PLXNA4: variants seen among roughly 807,000 people sequenced by gnomAD.
PLXNA4 encodes plexin-A4.
Under a neutral mutation model 191.8 loss-of-function variants are expected in PLXNA4, and 44 were observed. The ratio of observed to expected loss-of-function variants is 0.23; its 90% CI spans 0.18 to 0.29. The LOEUF is 0.29. Ranked by LOEUF, PLXNA4 falls within the 10% of genes least tolerant of loss-of-function variation. The probability of loss-of-function intolerance (pLI) is 1.00; values close to 1 mark genes in which losing one functional copy is unlikely to be tolerated. For synonymous variants in PLXNA4, 1,082 were observed against 1,009.5 expected (o/e 1.07, Z -1.36); for missense variants, 1,800 against 2,488.8 (o/e 0.72, Z 5.89).
chr7:132,252,561 A>G (rs1799292709), intron 4 of PLXNA4, among the ~76,000 whole-genome samples: 1 of 152,118 alleles, frequency 6.6e-6, no homozygotes, highest in South Asian at 2.1e-4. Flanking sequence ...TCAGCCTCCC[A>G]AAGTGCTGGG....
intron 20 of PLXNA4, 128 bp from the exon 21 acceptor site, chr7:132,175,048 A>G: frequency 2.8e-6 from 4 of 1,413,272 alleles, no homozygotes; most frequent in Non-Finnish European, 2.8e-6. Flanking sequence ...ATGGGCGGGA[A>G]TAACTGGAGA....
intron 1 of PLXNA4, among the ~76,000 whole-genome samples, chr7:132,565,638 A>G (rs1801687265): frequency 6.6e-6 from 1 of 152,156 alleles, no homozygotes; most frequent in Admixed American, 6.5e-5. Flanking sequence ...CCCCTTCCGC[A>G]TGATTCTTTC....
chr7:132,502,544 T>C (rs899852054), intron 2 of PLXNA4, among the ~76,000 whole-genome samples: 1 of 152,170 alleles, frequency 6.6e-6, no homozygotes, highest in Non-Finnish European at 1.5e-5. Context: ...TGCTCAGCAC[T>C]GTAGGGCCCC....
intron 3 of PLXNA4, among the ~76,000 whole-genome samples, chr7:132,299,146 A>G (rs1801214383): frequency 6.6e-6 from 1 of 152,240 alleles, no homozygotes; most frequent in Non-Finnish European, 1.5e-5. Flanking sequence ...CCACTCCCAT[A>G]AATCAGGAAC....
At chr7:132,314,758 C>T (rs1801879951) in intron 3 of PLXNA4, among the ~76,000 whole-genome samples, 1 of 152,196 alleles carries the variant, frequency 6.6e-6, no homozygotes, top group African/African-American at 2.4e-5. Flanking sequence ...CTTTACTTCC[C>T]ATCCTCAACG....
intron 2 of PLXNA4, among the ~76,000 whole-genome samples, chr7:132,612,663 CAAA>C (rs71529768): frequency 7.3e-5 from 5 of 68,410 alleles, no homozygotes; most frequent in Admixed American, 1.6e-4. Flanking sequence ...GTCTCCATCT[CAAA>C]AAAAAAAAAA....
intron 21 of PLXNA4, among the ~76,000 whole-genome samples, chr7:132,169,353 C>T (rs1796216206): frequency 6.6e-6 from 1 of 152,212 alleles, no homozygotes; most frequent in Non-Finnish European, 1.5e-5. Flanking sequence ...GAGTCAATGA[C>T]TCAGGTAGGT....
intron 3 of PLXNA4, among the ~76,000 whole-genome samples, chr7:132,305,193 G>C (rs768989189): frequency 6.6e-6 from 1 of 152,062 alleles, no homozygotes; most frequent in Non-Finnish European, 1.5e-5. Context: ...TCTGGGGCTG[G>C]GGGCAGCAAC....
chr7:132,407,351 G>A (rs1032097289), intron 3 of PLXNA4, among the ~76,000 whole-genome samples: 1 of 152,270 alleles, frequency 6.6e-6, no homozygotes, highest in Middle Eastern at 3.4e-3. Context: ...GAGGTGTGTG[G>A]CACCCATTTT....
intron 25 of PLXNA4, among the ~76,000 whole-genome samples, chr7:132,152,424 G>A (rs780592840): frequency 6.6e-6 from 1 of 152,120 alleles, no homozygotes; most frequent in Non-Finnish European, 1.5e-5. Context: ...CTGTGAGGGC[G>A]GTATCTAATT....
chr7:132,248,780 G>C (rs1004898912), intron 4 of PLXNA4, among the ~76,000 whole-genome samples: 5 of 152,182 alleles, frequency 3.3e-5, no homozygotes, highest in Admixed American at 6.5e-5. Context: ...TCCAGATGTG[G>C]TCAGCTGTCC....
At chr7:132,441,578 T>A (rs1217818878) in intron 3 of PLXNA4, among the ~76,000 whole-genome samples, 1 of 152,238 alleles carries the variant, frequency 6.6e-6, no homozygotes, top group African/African-American at 2.4e-5. Context: ...ACTTAGCATT[T>A]CCATGGGCTC....
At chr7:132,196,260 G>T (rs917981337) in intron 13 of PLXNA4, among the ~76,000 whole-genome samples, 2 of 152,226 alleles carry the variant, frequency 1.3e-5, no homozygotes, top group African/African-American at 4.8e-5. Flanking sequence ...CCAAGCTCTT[G>T]CCTACCTACC....
At chr7:132,279,210 T>G (rs977920681) in intron 4 of PLXNA4, among the ~76,000 whole-genome samples, 3 of 152,170 alleles carry the variant, frequency 2.0e-5, no homozygotes, top group African/African-American at 7.2e-5. Context: ...GGTGTGCCAT[T>G]GGGGCAGCTG....
chr7:132,339,140 G>A (rs572015533), intron 3 of PLXNA4, among the ~76,000 whole-genome samples: 8 of 152,270 alleles, frequency 5.3e-5, no homozygotes, highest in African/African-American at 1.9e-4. Flanking sequence ...AAATTACAGG[G>A]TAAATGGCAT....
intron 3 of PLXNA4, among the ~76,000 whole-genome samples, chr7:132,349,296 G>A (rs900950193): frequency 6.6e-6 from 1 of 152,134 alleles, no homozygotes; most frequent in African/African-American, 2.4e-5. Flanking sequence ...ATAGAGAAGA[G>A]CAGCATCTCC....
intron 2 of PLXNA4, among the ~76,000 whole-genome samples, chr7:132,593,541 A>G (rs1802644457): frequency 6.6e-6 from 1 of 152,182 alleles, no homozygotes; most frequent in Non-Finnish European, 1.5e-5. Flanking sequence ...GTCCAGGAGG[A>G]TGGCTCAGGA....
At position 132,507,605 on chromosome 7, in the gene PLXNA4, T is replaced by C. The variant is rs1020543627; in HGVS notation, c.1089A>G (p.Ile363Met). ...GCAGCCGCTCCTTAATGCGGTCATT[T>C]ATCTGCTTCAAGATGAAGATGCACA... ...SALCIFILKQINDRIKERLQS... is the reference protein window; with the variant it reads ...SALCIFILKQMNDRIKERLQS... The change falls in exon 2 of 32, where the codon ATA becomes ATG. Residue 363 changes from isoleucine to methionine, a missense_variant. Ile to Met is a conservative substitution (Grantham distance 10, BLOSUM62 1). Around this residue, in one of 6 missense-constraint regions of PLXNA4, gnomAD observed 1,397 missense variants for 1,880.4 expected, o/e 0.74. Transcript: ENST00000321063. 8.7e-6 allele frequency: 14 copies of C among 1,614,196 alleles called. No individual in the cohort carries two copies. Among genetic ancestry groups the C allele is most frequent in the Non-Finnish European group, 1.1e-5 (13 of 1,180,042 alleles).
chr7:132,327,169 C>CAAAAAAAAAAA (rs60359571), intron 3 of PLXNA4, among the ~76,000 whole-genome samples: 94 of 124,516 alleles, frequency 7.5e-4, no homozygotes, highest in African/African-American at 2.6e-3. Flanking sequence ...AAAAGGAAGG[C>CAAAAAAAAAAA]AAAAAAAAAA....
Sources: allele counts gnomAD v4.1 joint callset (sites outside exome capture counted in the v4.1 genomes callset), GRCh38; gene constraint gnomAD v4.1.1; regional missense constraint gnomAD v4.1.1; transcripts MANE v1.5; gene names NCBI Gene and HGNC (gene_info 2026-07-23, HGNC 2026-07-21).